Variants in CENPP observed in about 807,000 individuals in gnomAD.
CENPP encodes centromere protein P.
In CENPP, 24 loss-of-function variants were observed where a neutral mutation model predicts 35.6. That is an observed-to-expected ratio of 0.67 (90% confidence interval 0.49 to 0.95). The LOEUF (loss-of-function observed/expected upper bound fraction) is 0.95. Ranked by LOEUF, CENPP falls within the 40% of genes least tolerant of loss-of-function variation. The pLI, the probability that CENPP is intolerant of heterozygous loss-of-function variation, is 0.00. For synonymous variants in CENPP, 120 were observed against 125.5 expected, an observed-to-expected ratio of 0.96 and a Z score of 0.29; for missense variants, 332 against 345.3, an observed-to-expected ratio of 0.96 and a Z score of 0.31.
chr9:92,457,391 ATTGCACTGTATAAAGATTTCTTCATCT>A, intron 5 of CENPP: 1 of 1,613,794 alleles, frequency 6.2e-7, no homozygotes, highest in Non-Finnish European at 8.5e-7. Context: ...GAATAAACTT[ATTGCACTGTATAAAGATTTCTTCATCT>A]TTGGCACTGT....
chr9:92,529,228 T>C (rs1270844590), intron 5 of CENPP, among the ~76,000 whole-genome samples: 5 of 152,238 alleles, frequency 3.3e-5, no homozygotes, highest in Admixed American at 3.3e-4. Context: ...GTTTCAAAAA[T>C]AGTAGACAGA....
At chr9:92,511,999 G>A in intron 5 of CENPP, 2 of 1,580,962 alleles carry the variant, frequency 1.3e-6, no homozygotes, top group Non-Finnish European at 8.7e-7. Context: ...ACAAATCAGA[G>A]CATGTATTTA....
rs563245291 is a variant in CENPP, at chr9:92,437,670, G to C, written c.564+57811G>C. On this transcript the variant is annotated intron_variant, in intron 5 of 7. Coordinates refer to ENST00000375587, the MANE Select transcript of CENPP (RefSeq NM_001012267.3). Reference sequence around the variant, plus strand: ...AGCGATCCACTCTGCTTCCCAAAGTGTTGGGATTACAGGCATGAGCCATTG... The same window carrying C: ...AGCGATCCACTCTGCTTCCCAAAGTCTTGGGATTACAGGCATGAGCCATTG... Among the ~76,000 whole-genome samples the C allele has an allele frequency of 3.3e-5, 5 of 152,252 alleles. No individual in the cohort carries two copies. The South Asian group carries it at 1.0e-3, about 32-fold the overall frequency.
intron 5 of CENPP, among the ~76,000 whole-genome samples, chr9:92,400,156 T>G (rs1015894246): frequency 5.3e-5 from 8 of 152,146 alleles, no homozygotes; most frequent in Admixed American, 3.9e-4. Context: ...TTGTTTTTGT[T>G]TTTGTTTTTT....
intron 5 of CENPP, among the ~76,000 whole-genome samples, chr9:92,508,559 A>C (rs929748503): frequency 2.0e-5 from 3 of 152,244 alleles, no homozygotes; most frequent in Admixed American, 2.0e-4. Flanking sequence ...CTGTTAGTAC[A>C]GTTGTTCTAA....
intron 5 of CENPP, chr9:92,385,799 A>G: frequency 6.2e-7 from 1 of 1,613,926 alleles, no homozygotes; most frequent in Non-Finnish European, 8.5e-7. Context: ...AACTGAAAAA[A>G]AACGAGGAAA....
chr9:92,442,323 G>A (rs1427995377), intron 5 of CENPP, among the ~76,000 whole-genome samples: 5 of 150,408 alleles, frequency 3.3e-5, no homozygotes, highest in African/African-American at 7.4e-5. Flanking sequence ...AGTTGAATCC[G>A]GGAGGCGGAG....
chr9:92,526,734 A>C (rs967551005), intron 5 of CENPP, among the ~76,000 whole-genome samples: 5 of 152,048 alleles, frequency 3.3e-5, no homozygotes, highest in African/African-American at 1.2e-4. Flanking sequence ...AAGTATATAA[A>C]GTTAAATTAC....
At chr9:92,508,396 A>G (rs549253974) in intron 5 of CENPP, among the ~76,000 whole-genome samples, 7 of 152,230 alleles carry the variant, frequency 4.6e-5, no homozygotes, top group Non-Finnish European at 1.0e-4. Context: ...CTGGGAATCT[A>G]GAAGCATTTG....
At chr9:92,451,662 G>A (rs1414798441) in intron 5 of CENPP, among the ~76,000 whole-genome samples, 2 of 151,766 alleles carry the variant, frequency 1.3e-5, no homozygotes, top group African/African-American at 2.4e-5. Flanking sequence ...GATGGGGATG[G>A]CATTGAATCT....
intron 5 of CENPP, among the ~76,000 whole-genome samples, chr9:92,533,314 A>T (rs1451483555): frequency 1.2e-4 from 11 of 95,024 alleles, no homozygotes; most frequent in African/African-American, 3.9e-4. Flanking sequence ...AAAAAAAAAA[A>T]AAAAAAAAAA....
intron 5 of CENPP, among the ~76,000 whole-genome samples, chr9:92,455,012 G>A (rs1844833307): frequency 6.6e-6 from 1 of 152,154 alleles, no homozygotes; most frequent in Admixed American, 6.5e-5. Context: ...GCCGTTGTTT[G>A]CAACCTGCTG....
intron 5 of CENPP, among the ~76,000 whole-genome samples, chr9:92,541,127 C>T (rs747358323): frequency 3.9e-5 from 6 of 151,946 alleles, no homozygotes; most frequent in South Asian, 2.1e-4. Flanking sequence ...GGTGCGGTGG[C>T]GGGTGCCTAT....
At chr9:92,571,863 T>A (rs1215669738) in intron 5 of CENPP, among the ~76,000 whole-genome samples, 3 of 152,062 alleles carry the variant, frequency 2.0e-5, no homozygotes, top group Non-Finnish European at 4.4e-5. Flanking sequence ...TTGACCTTTG[T>A]TGGTTTAAAG....
At chr9:92,362,816 T>C (rs1434084963) in intron 4 of CENPP, among the ~76,000 whole-genome samples, 1 of 152,236 alleles carries the variant, frequency 6.6e-6, no homozygotes, top group African/African-American at 2.4e-5. Flanking sequence ...GCTTAAGAAA[T>C]AGATCACCAT....
At chr9:92,391,124 C>T (rs528582236) in intron 5 of CENPP, among the ~76,000 whole-genome samples, 103 of 150,546 alleles carry the variant, frequency 6.8e-4, no homozygotes, top group African/African-American at 2.3e-3. Context: ...AGGCCAGGCG[C>T]GGTGGCTCAC....
chr9:92,372,041 T>TA (rs1167832452), intron 4 of CENPP, among the ~76,000 whole-genome samples: 6,143 of 52,116 alleles, frequency 0.12, 411 homozygotes, highest in Middle Eastern at 0.21. Flanking sequence ...AGACTCCATC[T>TA]AAAAAAAAAA....
rs1053978271 is a variant in CENPP at position 92,619,703 on chromosome 9, G to A, written c.*6554G>A. 5.1e-5 allele frequency: 38 copies of A among 745,876 alleles called. No individual in the cohort carries two copies. Among genetic ancestry groups the A allele is most frequent in the Middle Eastern group, 5.3e-4 (2 of 3,744 alleles). 46.2% of individuals were successfully genotyped at this position (745,876 alleles called of 1,614,324 possible). ...GGGTGGGATTAGGAGCGAGGGCCAC[G>A]GTGAGCACGGGCGTCAGGAGGTCGC... is the stretch of plus-strand genomic sequence containing the variant. On this transcript the variant is annotated 3_prime_UTR_variant, in exon 8 of 8. Transcript: ENST00000375587.
chr9:92,468,883 T>C lies in CENPP; in HGVS notation c.564+89024T>C, dbSNP rs370267148. The stretch of plus-strand genomic sequence containing the variant: ...GCTCCTGATACCATTTAGTTTCTCA[T>C]TTCCCTGTGAATAACAAGAATAAGT... On this transcript the variant is annotated intron_variant, in intron 5 of 7. Transcript: ENST00000375587. Among the ~76,000 whole-genome samples, 52 of 152,322 alleles carry C rather than the reference T, an allele frequency of 3.4e-4. No homozygotes were observed. The East Asian group carries it at 9.2e-3, about 27-fold the overall frequency.
Sources: gnomAD v4.1 joint callset for allele counts (sites outside exome capture counted in the v4.1 genomes callset) on GRCh38, gnomAD v4.1.1 for gene constraint, MANE v1.5 for transcripts, NCBI Gene and HGNC (gene_info 2026-07-23, HGNC 2026-07-21) for gene names.